The following WSCD1 variants were observed in gnomAD, a reference collection of about 807,000 sequenced individuals.
The protein encoded by WSCD1 is WSC domain sialate O sulfotransferase 1.
Under a neutral mutation model 60.4 loss-of-function variants are expected in WSCD1, and 41 were observed. The ratio of observed to expected loss-of-function variants is 0.68; its 90% confidence interval spans 0.53 to 0.88. The LOEUF (loss-of-function observed/expected upper bound fraction) is 0.88, where lower values mean the gene tolerates loss of function less well. Among genes scored for constraint, WSCD1 ranks in the 40% least tolerant of loss-of-function variants. The pLI, the probability that WSCD1 is intolerant of heterozygous loss-of-function variation, is 0.00. For synonymous variants in WSCD1, 361 were observed against 332.5 expected (o/e 1.09, Z -0.93); for missense variants, 784 against 796.2 (o/e 0.98, Z 0.18).
chr17:6,106,509 AAC>A (rs1287899412), intron 5 of WSCD1, among the ~76,000 whole-genome samples: 4 of 152,236 alleles, frequency 2.6e-5, no homozygotes, highest in African/African-American at 9.6e-5. Flanking sequence ...GCACACAAAA[AAC>A]ATGTGCTGGG....
chr17:6,119,648 T>C (rs58693614), intron 8 of WSCD1, among the ~76,000 whole-genome samples: 2,567 of 152,248 alleles, frequency 0.017, 45 homozygotes, highest in African/African-American at 0.044. Flanking sequence ...TGACGCCTCC[T>C]CTGCCTCTTA....
intron 8 of WSCD1, among the ~76,000 whole-genome samples, chr17:6,119,706 G>T (rs925023211): frequency 6.6e-6 from 1 of 152,118 alleles, no homozygotes. Flanking sequence ...TTCTGAGCCT[G>T]TTTTCTCACA....
Position 6,070,398 on chromosome 17 carries a change from CGCCCGCCCGCT to C in WSCD1, c.-534_-524del, listed in dbSNP as rs1017350603. The C allele has an allele frequency of 6.8e-6, 1 of 146,680 alleles. No individual in the cohort carries two copies. Among genetic ancestry groups the C allele is most frequent in the African/African-American group, 2.5e-5 (1 of 40,684 alleles). 9.1% of individuals were successfully genotyped at this position (146,680 alleles called of 1,614,324 possible). A position where few individuals can be genotyped will look rare whatever the true frequency, so the allele number is the denominator to read the frequency against. The stretch of plus-strand genomic sequence containing the variant: ...GCATGTGCAGAGCCCGGCGCCCGCT[CGCCCGCCCGCT>C]GCCCGCCCCGGCTCCGCGCCCGCCC... On this transcript the variant is annotated 5_prime_UTR_variant, in exon 1 of 9. Coordinates refer to ENST00000317744, the MANE Select transcript of WSCD1 (RefSeq NM_015253.2).
Position 6,071,174 on chromosome 17 carries a change from A to G in WSCD1, c.-289+522A>G, listed in dbSNP as rs1162654920. 3 of 152,244 alleles carry G rather than the reference A, an allele frequency of 2.0e-5. No homozygotes were observed. The East Asian group carries it at 5.8e-4, about 29-fold the overall frequency. 9.4% of individuals were successfully genotyped at this position (152,244 alleles called of 1,614,324 possible). A position where few individuals can be genotyped will look rare whatever the true frequency, so the allele number is the denominator to read the frequency against. The stretch of plus-strand genomic sequence containing the variant: ...AGAGGCAGAGGCAAAAGCAAAACGT[A>G]TGTATTTTGTCCAGAAAATTACCTA... On this transcript the variant is annotated intron_variant, in intron 1 of 8. Coordinates refer to ENST00000317744, the MANE Select transcript of WSCD1 (RefSeq NM_015253.2).
chr17:6,087,889 G>C (rs1909760650), intron 2 of WSCD1, 101 bp from the exon 3 acceptor site: 2 of 906,132 alleles, frequency 2.2e-6, no homozygotes, highest in South Asian at 3.2e-5. Flanking sequence ...GTTTCTCTGA[G>C]AGTGGCCTTG....
At chr17:6,120,233 C>T (rs1904577656) in intron 8 of WSCD1, 76 bp from the exon 9 acceptor site, 11 of 1,508,062 alleles carry the variant, frequency 7.3e-6, no homozygotes, top group Non-Finnish European at 9.9e-6. Context: ...CTTCCCTCTC[C>T]CGAGCAGCCC....
chr17:6,115,698 G>A lies in WSCD1; in HGVS notation c.1175-2290G>A, dbSNP rs1009319809. Among the ~76,000 whole-genome samples the A allele has an allele frequency of 2.6e-5, 4 of 151,896 alleles. No individual in the cohort carries two copies. The East Asian group carries it at 5.8e-4, about 22-fold the overall frequency. The stretch of plus-strand genomic sequence containing the variant: ...CAACCTCCGCCTCTTGGGTTCAAGC[G>A]ATTCTCCTGTCTCAGCCTCCCGAGT... On this transcript the variant is annotated intron_variant, in intron 7 of 8. Transcript: ENST00000317744.
chr17:6,094,576 AGGAG>A (rs1910270013), intron 4 of WSCD1, among the ~76,000 whole-genome samples: 1 of 146,874 alleles, frequency 6.8e-6, no homozygotes, highest in Admixed American at 6.9e-5. Context: ...AGGAAAAGGA[AGGAG>A]AAGGAAGGGA....
intron 5 of WSCD1, among the ~76,000 whole-genome samples, chr17:6,103,804 C>T (rs1240009198): frequency 6.6e-6 from 1 of 152,150 alleles, no homozygotes; most frequent in South Asian, 2.1e-4. Flanking sequence ...CTGGACTCAG[C>T]CCATCCATGC....
At chr17:6,115,109 C>T (rs567412186) in intron 7 of WSCD1, among the ~76,000 whole-genome samples, 18 of 152,244 alleles carry the variant, frequency 1.2e-4, no homozygotes, top group African/African-American at 3.4e-4. Flanking sequence ...TCAGGTAGTC[C>T]GAGGTGGGGC....
chr17:6,097,828 C>T (rs1195878231), intron 5 of WSCD1, among the ~76,000 whole-genome samples: 1 of 152,178 alleles, frequency 6.6e-6, no homozygotes, highest in Non-Finnish European at 1.5e-5. Flanking sequence ...GAGGGGGAGG[C>T]AAGGCACCCT....
intron 7 of WSCD1, among the ~76,000 whole-genome samples, chr17:6,113,975 C>T (rs1342884792): frequency 2.0e-5 from 3 of 151,990 alleles, no homozygotes; most frequent in African/African-American, 7.2e-5. Flanking sequence ...TATGATCCAG[C>T]AATCCCACTG....
At position 6,113,895 on chromosome 17, in the gene WSCD1, A is replaced by G. The variant is rs187552246; in HGVS notation, c.1174+2960A>G. Among the ~76,000 whole-genome samples the G allele has an allele frequency of 6.3e-3, 956 of 152,242 alleles. 7 individuals are homozygous for G. The highest frequency in any genetic ancestry group is 0.01 in the Non-Finnish European group (703 of 68,002). On this transcript the variant is annotated intron_variant, in intron 7 of 8. Coordinates refer to ENST00000317744, the MANE Select transcript of WSCD1 (RefSeq NM_015253.2). ...GAACTCTTATACTCTATTGGTGGGA[A>G]TGTAAACTAGTACAGCTCTTACGGA...
At chr17:6,084,144 G>A (rs1909465466) in intron 2 of WSCD1, among the ~76,000 whole-genome samples, 1 of 152,212 alleles carries the variant, frequency 6.6e-6, no homozygotes, top group South Asian at 2.1e-4. Flanking sequence ...AGCAAAGAGA[G>A]GGTTAATGTG....
chr17:6,092,293 G>T (rs572750377), intron 4 of WSCD1, among the ~76,000 whole-genome samples: 54 of 152,266 alleles, frequency 3.5e-4, no homozygotes, highest in Non-Finnish European at 6.9e-4. Context: ...GGCCACCCTG[G>T]CTGGCAACTG....
chr17:6,097,952 CT>C (rs796614298), intron 5 of WSCD1, among the ~76,000 whole-genome samples: 255 of 117,770 alleles, frequency 2.2e-3, no homozygotes, highest in Middle Eastern at 4.6e-3. Context: ...AGAGTTCTTT[CT>C]TTTTTTTTTT....
rs543415705 is a variant in WSCD1 at position 6,110,494 on chromosome 17, A to G, written c.1010-277A>G. Among the ~76,000 whole-genome samples the G allele has an allele frequency of 1.3e-5, 2 of 152,356 alleles. No individual in the cohort carries two copies. The highest frequency in any genetic ancestry group is 4.8e-5 in the African/African-American group (2 of 41,594). On this transcript the variant is annotated intron_variant, in intron 6 of 8. Transcript: ENST00000317744. This position sits in a 1 kb window ranked among gnomAD's most constrained non-coding sequence, Gnocchi z 4.8. ...CAGGAGCAAGAGTTTGGCTGTGGCCATAGAGACAGAATGGGAGTCGAGGGT... is the reference window on the plus strand; with the variant it reads ...CAGGAGCAAGAGTTTGGCTGTGGCCGTAGAGACAGAATGGGAGTCGAGGGT...
intron 7 of WSCD1, among the ~76,000 whole-genome samples, chr17:6,114,824 A>G (rs1313029010): frequency 6.6e-6 from 1 of 151,888 alleles, no homozygotes; most frequent in Non-Finnish European, 1.5e-5. Flanking sequence ...TATTTGTCCT[A>G]ATGCTCTCCC....
At chr17:6,092,807 A>G (rs1454990631) in intron 4 of WSCD1, among the ~76,000 whole-genome samples, 2 of 152,154 alleles carry the variant, frequency 1.3e-5, no homozygotes, top group Non-Finnish European at 2.9e-5. Flanking sequence ...AGATGGTCCA[A>G]TCATTCAAGC....
Sources: gnomAD v4.1 joint callset for allele counts (sites outside exome capture counted in the v4.1 genomes callset) on GRCh38, gnomAD v4.1.1 for gene constraint, Gnocchi (gnomAD v3.1) non-coding constraint, MANE v1.5 for transcripts, NCBI Gene and HGNC (gene_info 2026-07-23, HGNC 2026-07-21) for gene names.